Variants in PDE10A observed in about 807,000 individuals in gnomAD.
The protein encoded by PDE10A is phosphodiesterase 10A, also known as cAMP and cAMP-inhibited cGMP 3',5'-cyclic phosphodiesterase 10A.
Under a neutral mutation model 97.7 loss-of-function variants are expected in PDE10A, and 39 were observed. The observed-to-expected ratio is 0.40, with a 90% CI of 0.31 to 0.52. The LOEUF is 0.52. Ranked by LOEUF, PDE10A falls within the 20% of genes least tolerant of loss-of-function variation. The pLI is 0.56. For synonymous variants in PDE10A, 371 were observed against 376.8 expected (o/e 0.98, Z 0.18); for missense variants, 731 against 1,047.8 (o/e 0.70, Z 4.17).
intron 16 of PDE10A, among the ~76,000 whole-genome samples, chr6:165,392,438 T>A (rs1425411375): frequency 6.6e-6 from 1 of 152,208 alleles, no homozygotes; most frequent in Non-Finnish European, 1.5e-5. Context: ...TTTGATGAAG[T>A]TAAAATTTCT....
chr6:165,669,159 G>A (rs1790578278), intron 1 of PDE10A, among the ~76,000 whole-genome samples: 1 of 152,198 alleles, frequency 6.6e-6, no homozygotes, highest in South Asian at 2.1e-4. Flanking sequence ...CTTTTGAAAT[G>A]AACCCTTATG....
chr6:165,701,763 G>C (rs1024690427), intron 1 of PDE10A, among the ~76,000 whole-genome samples: 20 of 147,688 alleles, frequency 1.4e-4, no homozygotes, highest in South Asian at 4.2e-4. Context: ...ATGTTTGCAT[G>C]TGTGTATGTT....
intron 1 of PDE10A, among the ~76,000 whole-genome samples, chr6:165,961,384 G>T (rs908568664): frequency 7.2e-5 from 11 of 152,314 alleles, no homozygotes; most frequent in African/African-American, 2.6e-4. Context: ...TACTTCAGAA[G>T]GAAGCCAGGA....
At chr6:165,820,213 C>T (rs562125853) in intron 1 of PDE10A, among the ~76,000 whole-genome samples, 16 of 152,228 alleles carry the variant, frequency 1.1e-4, no homozygotes, top group African/African-American at 2.9e-4. Context: ...AATGTTCTAA[C>T]GGAATTATTA....
chr6:165,667,519 T>A (rs1413225535), upstream of PDE10A, among the ~76,000 whole-genome samples: 1 of 152,142 alleles, frequency 6.6e-6, no homozygotes, highest in African/African-American at 2.4e-5. Context: ...TTATAATTTT[T>A]AAATTGTAAA....
At chr6:165,407,280 C>T (rs147548153) in intron 13 of PDE10A, among the ~76,000 whole-genome samples, 2 of 152,282 alleles carry the variant, frequency 1.3e-5, no homozygotes, top group African/African-American at 2.4e-5. Context: ...GAAGCCAGCA[C>T]ACTTAGCGAG....
intron 1 of PDE10A, among the ~76,000 whole-genome samples, chr6:165,674,636 T>C (rs2128437586): frequency 6.6e-6 from 1 of 152,286 alleles, no homozygotes; most frequent in East Asian, 1.9e-4. Context: ...TCACTATTCC[T>C]AAGGGACTGG....
At chr6:165,874,368 G>A (rs529668455) in intron 1 of PDE10A, among the ~76,000 whole-genome samples, 13 of 77,914 alleles carry the variant, frequency 1.7e-4, no homozygotes, top group Non-Finnish European at 1.8e-4. Context: ...AACTTATTTC[G>A]CATTAGAAAA....
intron 1 of PDE10A, among the ~76,000 whole-genome samples, chr6:165,953,227 A>G (rs1784023054): frequency 6.6e-6 from 1 of 152,186 alleles, no homozygotes; most frequent in African/African-American, 2.4e-5. Flanking sequence ...GGAATTAAAT[A>G]TTGTTTTCTA....
chr6:165,556,334 G>A lies in PDE10A; in HGVS notation c.866-12766C>T, dbSNP rs75145546. On this transcript the variant is annotated intron_variant, in intron 1 of 21. Coordinates refer to ENST00000539869, the MANE Select transcript of PDE10A (RefSeq NM_001385079.1). ...CACAAAACAGTCAATGAATCAAAAC[G>A]GGTAAAAACAGGAAAAGAATAAGGG... is the stretch of plus-strand genomic sequence containing the variant. 4.5e-3 allele frequency among the ~76,000 whole-genome samples: 680 copies of A among 152,192 alleles called. 3 individuals carry two copies. The highest frequency in any genetic ancestry group is 0.016 in the African/African-American group (647 of 41,522).
intron 20 of PDE10A, among the ~76,000 whole-genome samples, chr6:165,338,307 C>T (rs2128176943): frequency 6.6e-6 from 1 of 152,264 alleles, no homozygotes; most frequent in South Asian, 2.1e-4. Flanking sequence ...TATCAAAAAC[C>T]ACCATCCTGT....
intron 1 of PDE10A, among the ~76,000 whole-genome samples, chr6:165,548,706 T>G (rs1420502421): frequency 1.3e-5 from 2 of 152,176 alleles, no homozygotes; most frequent in South Asian, 2.1e-4. Flanking sequence ...CAATGGTGAT[T>G]TTCCTCATTC....
chr6:165,701,679 GTGTGCATGTAAGTGTGTTTGCA>G (rs1242141451), intron 1 of PDE10A, among the ~76,000 whole-genome samples: 1 of 150,628 alleles, frequency 6.6e-6, no homozygotes, highest in Non-Finnish European at 1.5e-5. Flanking sequence ...ATGTTTGTGT[GTGTGCATGTAAGTGTGTTTGCA>G]TGTGTGCATG....
intron 1 of PDE10A, among the ~76,000 whole-genome samples, chr6:165,862,512 C>T (rs1253990925): frequency 2.0e-5 from 3 of 152,152 alleles, no homozygotes; most frequent in Non-Finnish European, 4.4e-5. Context: ...CCACGTTTAA[C>T]AGTCTAAAGG....
intron 1 of PDE10A, among the ~76,000 whole-genome samples, chr6:165,961,332 T>C (rs1028371884): frequency 2.6e-5 from 4 of 152,226 alleles, no homozygotes; most frequent in African/African-American, 9.6e-5. Context: ...CGTTAACCTT[T>C]CTTCTCTATA....
chr6:165,404,369 G>A (rs1786937421), intron 13 of PDE10A, among the ~76,000 whole-genome samples: 1 of 152,032 alleles, frequency 6.6e-6, no homozygotes, highest in Non-Finnish European at 1.5e-5. Context: ...GAGCTGAACT[G>A]AGAACTCCAT....
At chr6:165,339,255 C>A (rs368392582) in intron 20 of PDE10A, 23 bp downstream of exon 20, 3 of 1,402,430 alleles carry the variant, frequency 2.1e-6, no homozygotes, top group Non-Finnish European at 2.0e-6. Flanking sequence ...TTAGCAATTA[C>A]AATTTACTTT....
intron 18 of PDE10A, among the ~76,000 whole-genome samples, chr6:165,371,741 T>C (rs1422899290): frequency 6.6e-6 from 1 of 151,822 alleles, no homozygotes; most frequent in African/African-American, 2.4e-5. Context: ...GCCAGCATCA[T>C]CCTGATACCA....
At chr6:165,410,800 T>C (rs1235349892) in intron 13 of PDE10A, among the ~76,000 whole-genome samples, 2 of 151,420 alleles carry the variant, frequency 1.3e-5, no homozygotes, top group Non-Finnish European at 1.5e-5. Flanking sequence ...AATTAAGAAA[T>C]ATCCTTGGCC....
Sources: allele counts gnomAD v4.1 joint callset (sites outside exome capture counted in the v4.1 genomes callset), GRCh38; gene constraint gnomAD v4.1.1; transcripts MANE v1.5; gene names NCBI Gene and HGNC (gene_info 2026-07-23, HGNC 2026-07-21).